TNNT3: variants seen among roughly 807,000 people sequenced by gnomAD.
TNNT3 encodes troponin T, fast skeletal muscle.
A neutral mutation model predicts 54.2 loss-of-function variants in TNNT3; 36 were observed. The ratio of observed to expected loss-of-function variants is 0.66; its 90% CI spans 0.51 to 0.88. The LOEUF (loss-of-function observed/expected upper bound fraction) is 0.88, where lower values mean the gene tolerates loss of function less well. TNNT3 is among the 40% of genes least tolerant of loss of function. The probability of loss-of-function intolerance (pLI) is 0.00; values close to 1 mark genes in which losing one functional copy is unlikely to be tolerated. For missense variants in TNNT3, 291 were observed against 331.6 expected, an observed-to-expected ratio of 0.88 and a Z score of 0.95; for synonymous variants, 120 against 109.7, an observed-to-expected ratio of 1.09 and a Z score of -0.59.
rs1442586573 is a variant in TNNT3 at position 1,932,488 on chromosome 11, C to A, written c.145C>A (p.Pro49Thr). 6.2e-7 allele frequency: 1 copy of A among 1,613,714 alleles called. No individual in the cohort carries two copies. The highest frequency in any genetic ancestry group is 2.2e-5 in the East Asian group (1 of 44,888). ...PRPKLTAPKI[P>T]EGEKVDFDDI... ...CTTCAGACTCACTGCTCCTAAGATC[C>A]CAGAAGGGGAGAAAGTGGACTTCGA... Residue 49 changes from proline to threonine, a missense_variant, in exon 9 of 16, where the codon CCA (proline) becomes ACA (threonine). Physicochemically the swap from Pro to Thr is conservative, Grantham distance 38. Coordinates refer to ENST00000278317, the MANE Select transcript of TNNT3 (RefSeq NM_006757.4).
At chr11:1,934,502 C>T (rs751555517) in intron 12 of TNNT3, 44 bp from the exon 13 acceptor site, 3 of 1,607,082 alleles carry the variant, frequency 1.9e-6, no homozygotes, top group South Asian at 2.2e-5. Flanking sequence ...ACGCCCTGTG[C>T]CCTCCTGAGA....
Position 1,924,793 on chromosome 11 carries a change from GC to G in TNNT3, c.50-305del, listed in dbSNP as rs1477062539. 5 of 576,912 alleles carry G rather than the reference GC, an allele frequency of 8.7e-6. No individual in the cohort carries two copies. The African/African-American group carries it at 9.4e-5, about 11-fold the overall frequency. 35.7% of individuals were successfully genotyped at this position (576,912 alleles called of 1,614,324 possible). On this transcript the variant is annotated intron_variant, in intron 4 of 15. Transcript: ENST00000278317. ...ACTTAACAAGGGCCCCCGTGCACAG[GC>G]GCCTCCAGGCATGGGAATACCAGGC...
intron 15 of TNNT3, chr11:1,938,182 G>A (rs1855709352): frequency 5.5e-6 from 3 of 549,100 alleles, no homozygotes; most frequent in South Asian, 3.9e-5. Flanking sequence ...GGTACCTCAG[G>A]CAAAGAAAGG....
intron 6 of TNNT3, among the ~76,000 whole-genome samples, chr11:1,928,485 G>A (rs1852271347): frequency 6.6e-6 from 1 of 152,202 alleles, no homozygotes; most frequent in Admixed American, 6.5e-5. Context: ...CCCCAGGGAG[G>A]TCAGGGATGA....
chr11:1,921,254 C>G (rs1175688068), intron 1 of TNNT3: 1 of 152,262 alleles, frequency 6.6e-6, no homozygotes, highest in Non-Finnish European at 1.5e-5. Flanking sequence ...ACGCTGCCCC[C>G]ATCTTGTGGC....
chr11:1,932,401 G>A (rs1853650276), intron 8 of TNNT3, 68 bp from the exon 9 acceptor site: 2 of 1,523,034 alleles, frequency 1.3e-6, no homozygotes, highest in Admixed American at 1.7e-5. Flanking sequence ...AGCGGGGAAA[G>A]CGCCAGGCTG....
Position 1,934,546 on chromosome 11 carries a change from G to A in TNNT3, c.481G>A (p.Ala161Thr). Residue 161 changes from alanine to threonine, a missense_variant and splice_region_variant, in exon 13 of 16, where the codon GCT becomes ACT. Ala to Thr is a moderately conservative substitution (Grantham distance 58). Coordinates refer to ENST00000278317, the MANE Select transcript of TNNT3 (RefSeq NM_006757.4). ...CTCTCTTTGGGCCTGTCCGCTGCAG[G>A]CTGACCAGAAGAGAGGCAAGAAGCA... Reference protein sequence around the residue: ...GANYSSYLAKADQKRGKKQTA... With the variant: ...GANYSSYLAKTDQKRGKKQTA... 1 of 1,608,994 alleles carries A rather than the reference G, an allele frequency of 6.2e-7. No individual in the cohort carries two copies. Among genetic ancestry groups the A allele is most frequent in the Non-Finnish European group, 8.5e-7 (1 of 1,178,036 alleles).
intron 14 of TNNT3, chr11:1,935,542 G>A (rs549105322): frequency 5.3e-4 from 91 of 173,270 alleles, no homozygotes; most frequent in Middle Eastern, 3.1e-3. Context: ...CTGCCCGGGC[G>A]GCCTCAGGGA....
At chr11:1,936,318 C>T (rs1855025517) in intron 14 of TNNT3, 4 of 1,571,544 alleles carry the variant, frequency 2.5e-6, no homozygotes, top group Admixed American at 3.3e-5. Context: ...AGGTGAACCT[C>T]TCGCATGGCA....
chr11:1,933,754 A>G lies in TNNT3; in HGVS notation c.205A>G (p.Met69Val). 6.2e-7 allele frequency: 1 copy of G among 1,613,018 alleles called. No homozygotes were observed. The change falls in exon 10 of 16, where the codon ATG becomes GTG. Residue 69 changes from methionine to valine, a missense_variant. Met to Val is a conservative substitution (Grantham distance 21). Coordinates refer to ENST00000278317, the MANE Select transcript of TNNT3 (RefSeq NM_006757.4). The stretch of plus-strand genomic sequence containing the variant: ...GAAGAAGCGTCAGAACAAAGACCTA[A>G]TGGAGCTCCAGGCCCTCATCGACAG... Reference protein sequence around the residue: ...IQKKRQNKDLMELQALIDSHF... With the variant: ...IQKKRQNKDLVELQALIDSHF...
In TNNT3 at chr11:1,934,857, C is replaced by T. The variant is rs985064835; in HGVS notation, c.619C>T (p.Leu207=). 4.3e-6 allele frequency: 7 copies of T among 1,613,660 alleles called. No individual in the cohort carries two copies. Among genetic ancestry groups the T allele is most frequent in the Non-Finnish European group, 5.9e-6 (7 of 1,180,048 alleles). The change falls in exon 14 of 16, where the codon CTG becomes TTG. Residue 207 remains leucine, a synonymous_variant. Coordinates refer to ENST00000278317, the MANE Select transcript of TNNT3 (RefSeq NM_006757.4). ...RDKAKELWET[L]HQLEIDKFEF... ...CAAGGCCAAGGAGCTCTGGGAGACC[C>T]TGCACCAGCTGGAGATTGACAAGTT...
At chr11:1,928,973 G>T in intron 6 of TNNT3, 147 bp from the exon 7 acceptor site, 1 of 938,366 alleles carries the variant, frequency 1.1e-6, no homozygotes, top group Non-Finnish European at 1.7e-6. Flanking sequence ...GGCACTTGTA[G>T]GGCCCCGCAG....
At chr11:1,933,310 C>T (rs1853989476) in intron 9 of TNNT3, among the ~76,000 whole-genome samples, 1 of 152,190 alleles carries the variant, frequency 6.6e-6, no homozygotes, top group Non-Finnish European at 1.5e-5. Context: ...CATCCTCTCT[C>T]ACTCATCCAC....
chr11:1,926,331 G>C, intron 5 of TNNT3: 4 of 1,062,028 alleles, frequency 3.8e-6, no homozygotes, highest in Non-Finnish European at 3.0e-6. Flanking sequence ...AACTCTGACC[G>C]TGTCTTGCTC....
At chr11:1,938,269 G>A (rs1296684710) in intron 15 of TNNT3, 169 bp from the exon 16 acceptor site, 5 of 750,166 alleles carry the variant, frequency 6.7e-6, no homozygotes, top group Admixed American at 4.0e-5. Flanking sequence ...CCAGGCACAG[G>A]TGAGTGGGCA....
chr11:1,923,981 C>T lies in TNNT3; in HGVS notation c.49+409C>T, dbSNP rs546588128. On this transcript the variant is annotated intron_variant, in intron 4 of 15. Coordinates refer to ENST00000278317, the MANE Select transcript of TNNT3 (RefSeq NM_006757.4). Reference sequence around the variant, plus strand: ...GCCTCTCTCTCTATCTCTACCCTCCCGGCATCTCAGAGTCTCTCCATCTCT... The same window carrying T: ...GCCTCTCTCTCTATCTCTACCCTCCTGGCATCTCAGAGTCTCTCCATCTCT... Among the ~76,000 whole-genome samples, 7 of 150,916 alleles carry T rather than the reference C, an allele frequency of 4.6e-5. No homozygotes were observed. The East Asian group carries it at 7.7e-4, about 17-fold the overall frequency.
Position 1,934,431 on chromosome 11 carries a change from A to G in TNNT3, c.466A>G (p.Ser156Gly), listed in dbSNP as rs1022154479. 6.2e-7 allele frequency: 1 copy of G among 1,613,568 alleles called. No homozygotes were observed. The highest frequency in any genetic ancestry group is 1.3e-5 in the African/African-American group (1 of 74,954). The change falls in exon 12 of 16, where the codon AGC becomes GGC. Residue 156 changes from serine (S) to glycine (G), a missense_variant. Ser to Gly is a moderately conservative substitution (Grantham distance 56). Coordinates refer to ENST00000278317, the MANE Select transcript of TNNT3 (RefSeq NM_006757.4). ...ALSSMGANYS[S>G]YLAKADQKRG... is the part of the protein sequence containing the mutation. ...GTCTTCCATGGGAGCCAACTACAGC[A>G]GCTACCTGGCCAAGGTGTGTGCCGC...
chr11:1,921,772 A>G (rs944458830), intron 1 of TNNT3, among the ~76,000 whole-genome samples: 3 of 152,200 alleles, frequency 2.0e-5, no homozygotes, highest in Non-Finnish European at 2.9e-5. Flanking sequence ...GGGGGACCGT[A>G]GCTATTGTCT....
intron 9 of TNNT3, among the ~76,000 whole-genome samples, chr11:1,933,075 ATCTATCATCCAC>A (rs1853888699): frequency 7.0e-6 from 1 of 142,724 alleles, no homozygotes; most frequent in African/African-American, 2.7e-5. Context: ...CCATCGATCC[ATCTATCATCCAC>A]TCACTCACAT....
Sources: gnomAD v4.1 joint callset for allele counts (sites outside exome capture counted in the v4.1 genomes callset) on GRCh38, gnomAD v4.1.1 for gene constraint, MANE v1.5 for transcripts, NCBI Gene and HGNC (gene_info 2026-07-23, HGNC 2026-07-21) for gene names.